The following HIP1R variants were observed in gnomAD, a reference collection of about 807,000 sequenced individuals.
HIP1R encodes the protein huntingtin-interacting protein 1-related protein.
A neutral mutation model predicts 144.2 loss-of-function variants in HIP1R; 135 were observed. The ratio of observed to expected loss-of-function variants is 0.94; its 90% confidence interval spans 0.81 to 1.08. The LOEUF (loss-of-function observed/expected upper bound fraction) is 1.08, where lower values mean the gene tolerates loss of function less well. HIP1R is among the 50% of genes least tolerant of loss of function. The pLI is 0.00. For synonymous variants in HIP1R, 698 were observed against 612.8 expected, an observed-to-expected ratio of 1.14 and a Z score of -2.05; for missense variants, 1,462 against 1,432.8, an observed-to-expected ratio of 1.02 and a Z score of -0.33.
intron 6 of HIP1R, 72 bp downstream of exon 6, chr12:122,850,983 C>G: frequency 7.3e-7 from 1 of 1,364,088 alleles, no homozygotes; most frequent in Non-Finnish European, 1.0e-6. Flanking sequence ...CGTCTCACGC[C>G]CAGGCGTCCG....
chr12:122,847,944 G>A, intron 1 of HIP1R, 87 bp from the exon 2 acceptor site: 1 of 1,270,368 alleles, frequency 7.9e-7, no homozygotes, highest in South Asian at 1.3e-5. Context: ...GCAGAATCCT[G>A]TTCAGTATTG....
chr12:122,838,471 A>G (rs1475663860), intron 1 of HIP1R, among the ~76,000 whole-genome samples: 1 of 152,200 alleles, frequency 6.6e-6, no homozygotes, highest in Non-Finnish European at 1.5e-5. Flanking sequence ...GTGTGGTATC[A>G]TAAAGGCACT....
chr12:122,856,141 G>T lies in HIP1R; in HGVS notation c.1290G>T (p.Gln430His). 6.3e-7 allele frequency: 1 copy of T among 1,595,548 alleles called. No individual in the cohort carries two copies. Among genetic ancestry groups the T allele is most frequent in the Non-Finnish European group, 8.5e-7 (1 of 1,171,628 alleles). ...RAAQLEGERS[Q>H]GLREEAERKA... ...CCCAGCTGGAGGGCGAGCGGAGCCA[G>T]GGCCTGCGTGAGGAGGCTGAGAGTA... Residue 430 changes from glutamine (Q) to histidine (H), a missense_variant, in exon 14 of 32, where the codon CAG (glutamine) becomes CAT (histidine). Gln to His is a conservative substitution (Grantham distance 24, BLOSUM62 0). Around this residue, in one of 2 missense-constraint regions of HIP1R, gnomAD observed 1,112 missense variants for 1,011.7 expected, o/e 1.10. Transcript: ENST00000253083.
chr12:122,849,596 C>G (rs1200255343), intron 4 of HIP1R, among the ~76,000 whole-genome samples: 1 of 152,378 alleles, frequency 6.6e-6, no homozygotes, highest in East Asian at 1.9e-4. Flanking sequence ...ACGTGCCTCC[C>G]TGCCAGCACC....
At chr12:122,837,840 G>T (rs2032950484) in intron 1 of HIP1R, among the ~76,000 whole-genome samples, 1 of 152,228 alleles carries the variant, frequency 6.6e-6, no homozygotes, top group Non-Finnish European at 1.5e-5. Context: ...TATTTAATTA[G>T]ATCGTTCCCA....
intron 30 of HIP1R, 43 bp downstream of exon 30, chr12:122,861,235 C>T (rs143886569): frequency 4.5e-4 from 726 of 1,613,016 alleles, no homozygotes; most frequent in Non-Finnish European, 5.4e-4. Context: ...GCTCATCCCT[C>T]GGGCGAAGCC....
At chr12:122,857,376 A>G in intron 18 of HIP1R, 161 bp downstream of exon 18, 1 of 708,894 alleles carries the variant, frequency 1.4e-6, no homozygotes, top group Non-Finnish European at 2.5e-6. Context: ...CACGTTGTCA[A>G]GGGTCACCAC....
At position 122,859,169 on chromosome 12, in the gene HIP1R, C is replaced by A. The variant is rs771001493; in HGVS notation, c.2267C>A (p.Pro756His). Residue 756 changes from proline to histidine, a missense_variant, in exon 22 of 32, where the codon CCC becomes CAC. By Grantham distance (77) the Pro-to-His change is moderately conservative. Around this residue, in one of 2 missense-constraint regions of HIP1R, gnomAD observed 1,112 missense variants for 1,011.7 expected, o/e 1.10. Transcript: ENST00000253083. ...ATGCAGGCCAGCCTGGTGCGGACAC[C>A]CCTGCAGGGCATCCTTCAGCTGGGC... is the stretch of plus-strand genomic sequence containing the variant. ...RHMQASLVRT[P>H]LQGILQLGQE... 4.6e-5 allele frequency: 72 copies of A among 1,575,880 alleles called. No individual in the cohort carries two copies. In the African/African-American group the frequency reaches 9.0e-4, roughly 20 times the overall value.
Position 122,861,774 on chromosome 12 carries a change from G to C in HIP1R, c.*21G>C, listed in dbSNP as rs2135682170. 1.9e-6 allele frequency: 3 copies of C among 1,612,700 alleles called. No individual in the cohort carries two copies. The highest frequency in any genetic ancestry group is 2.5e-6 in the Non-Finnish European group (3 of 1,179,044). ...ACTAGGCCCCCCAGGGGTCCAGCAG[G>C]GTGGCTGGTGACAGGCCTGGGCCTC... On this transcript the variant is annotated 3_prime_UTR_variant, in exon 32 of 32. Coordinates refer to ENST00000253083, the MANE Select transcript of HIP1R (RefSeq NM_003959.3).
Position 122,859,467 on chromosome 12 carries a change from G to T in HIP1R, c.2337G>T (p.Leu779=), listed in dbSNP as rs745307948. The T allele has an allele frequency of 7.4e-6, 12 of 1,613,440 alleles. No homozygotes were observed. The East Asian group carries it at 2.5e-4, about 33-fold the overall frequency. The change falls in exon 23 of 32, where the codon CTG becomes CTT. Residue 779 remains leucine (L), a synonymous_variant. Coordinates refer to ENST00000253083, the MANE Select transcript of HIP1R (RefSeq NM_003959.3). ...GCCTAGATGTGCGGCAGGAGGAGCTGGGGGCCGTGGTCGACAAGGAGATGG... is the reference window on the plus strand; with the variant it reads ...GCCTAGATGTGCGGCAGGAGGAGCTTGGGGCCGTGGTCGACAAGGAGATGG... ...PKSLDVRQEE[L]GAVVDKEMAA...
At position 122,835,502 on chromosome 12, in the gene HIP1R, CTG is replaced by C. The variant is rs2032855661; in HGVS notation, c.-46_-45del. ...AGGCTGGGGCTGCCGGACCGTGAGG[CTG>C]TGAGTCGCGCGGACGGAGCCGGACA... On this transcript the variant is annotated 5_prime_UTR_variant, in exon 1 of 32. Transcript: ENST00000253083. The C allele has an allele frequency of 8.6e-6, 11 of 1,285,368 alleles. No homozygotes were observed. The highest frequency in any genetic ancestry group is 1.6e-5 in the African/African-American group (1 of 64,218). 79.6% of individuals were successfully genotyped at this position (1,285,368 alleles called of 1,614,324 possible).
In HIP1R at chr12:122,835,646, GAGCGGGCGGCGGGC is replaced by G. The variant is rs1177292249; in HGVS notation, c.93+4_93+17del. 8.4e-7 allele frequency: 1 copy of G among 1,187,676 alleles called. No homozygotes were observed. The allele number at this position is 1,187,676 out of a possible 1,614,324, so 73.6% of individuals were successfully genotyped here. A position where few individuals can be genotyped will look rare whatever the true frequency, so the allele number is the denominator to read the frequency against. On this transcript the variant is annotated splice_donor_5th_base_variant and intron_variant, in intron 1 of 31. Coordinates refer to ENST00000253083, the MANE Select transcript of HIP1R (RefSeq NM_003959.3). The stretch of plus-strand genomic sequence containing the variant: ...GCGAGCAGTTCGACAAGACCCAGGC[GAGCGGGCGGCGGGC>G]GGCGGGCGGCGGGCGGCGGCGGGCG...
chr12:122,859,751 C>T (rs369589488), intron 23 of HIP1R, 21 bp from the exon 24 acceptor site: 94 of 1,610,116 alleles, frequency 5.8e-5, no homozygotes, highest in South Asian at 7.7e-5. Context: ...AGCCAGCTCA[C>T]GGCTCTGTTC....
At position 122,840,304 on chromosome 12, in the gene HIP1R, C is replaced by A. The variant is rs919259541; in HGVS notation, c.93+4661C>A. On this transcript the variant is annotated intron_variant, in intron 1 of 31. Transcript: ENST00000253083. This position sits in a 1 kb window ranked among gnomAD's most constrained non-coding sequence, Gnocchi z 4.2. ...CGCCGCTTGCTGTCTTACCATTTGG[C>A]CTGTTCCTGTAGCTTTGGGGTGTGC... Among the ~76,000 whole-genome samples the A allele has an allele frequency of 6.6e-6, 1 of 152,214 alleles. No individual in the cohort carries two copies. The highest frequency in any genetic ancestry group is 2.4e-5 in the African/African-American group (1 of 41,452).
rs755300134 is a variant in HIP1R, at chr12:122,859,482, CAAG to C, written c.2353_2355del (p.Lys785del). The C allele has an allele frequency of 5.0e-6, 8 of 1,613,486 alleles. No individual in the cohort carries two copies. Among genetic ancestry groups the C allele is most frequent in the South Asian group, 2.2e-5 (2 of 91,080 alleles). On this transcript the variant is annotated inframe_deletion, in exon 23 of 32. Transcript: ENST00000253083. ...AGGAGGAGCTGGGGGCCGTGGTCGA[CAAG>C]GAGATGGCGGCCACATCCGCAGCCA...
intron 4 of HIP1R, among the ~76,000 whole-genome samples, chr12:122,849,062 CG>C (rs202229690): frequency 6.6e-6 from 1 of 152,350 alleles, no homozygotes; most frequent in East Asian, 1.9e-4. Context: ...GGCCCTCCAG[CG>C]TCGAAGTCAC....
At position 122,856,122 on chromosome 12, in the gene HIP1R, T is replaced by C. The variant is rs753951491; in HGVS notation, c.1271T>C (p.Leu424Pro). The C allele has an allele frequency of 2.5e-6, 4 of 1,590,086 alleles. No individual in the cohort carries two copies. Among genetic ancestry groups the C allele is most frequent in the African/African-American group, 1.3e-5 (1 of 74,576 alleles). The change falls in exon 14 of 32, where the codon CTG (leucine) becomes CCG (proline). Residue 424 changes from leucine to proline, a missense_variant. Physicochemically the swap from Leu to Pro is moderately conservative, Grantham distance 98. This residue lies in a region of HIP1R where 1,112 missense variants were observed against 1,011.7 expected (regional missense o/e 1.10). Coordinates refer to ENST00000253083, the MANE Select transcript of HIP1R (RefSeq NM_003959.3). ...CTGGCCCAGCTGAGGGCTGCCCAGC[T>C]GGAGGGCGAGCGGAGCCAGGGCCTG... ...HELAQLRAAQ[L>P]EGERSQGLRE... is the part of the protein sequence containing the mutation.
At chr12:122,848,282 A>G (rs369329035) in intron 2 of HIP1R, among the ~76,000 whole-genome samples, 184 bp from the exon 3 acceptor site, 21 of 152,144 alleles carry the variant, frequency 1.4e-4, no homozygotes, top group East Asian at 9.7e-4. Context: ...ATTGGGCCCA[A>G]TGATTTCCTT....
chr12:122,861,617 C>A, intron 31 of HIP1R, 89 bp from the exon 32 acceptor site: 5 of 1,581,198 alleles, frequency 3.2e-6, no homozygotes, highest in Non-Finnish European at 4.3e-6. Context: ...GGACCACTGA[C>A]AACATGCAGG....
Sources: gnomAD v4.1 joint callset for allele counts (sites outside exome capture counted in the v4.1 genomes callset) on GRCh38, gnomAD v4.1.1 for gene constraint, gnomAD v4.1.1 regional missense constraint, Gnocchi (gnomAD v3.1) non-coding constraint, MANE v1.5 for transcripts, NCBI Gene and HGNC (gene_info 2026-07-23, HGNC 2026-07-21) for gene names.